Variants in STK32B observed in about 807,000 individuals in gnomAD.
STK32B encodes the protein serine/threonine-protein kinase 32B.
In STK32B, 43 loss-of-function variants were observed where a neutral mutation model predicts 52.6. That is an observed-to-expected ratio of 0.82 (90% confidence interval 0.64 to 1.05). STK32B has a LOEUF of 1.05. STK32B is among the 50% of genes least tolerant of loss of function. The pLI, the probability that STK32B is intolerant of heterozygous loss-of-function variation, is 0.00. For synonymous variants in STK32B, 238 were observed against 204.3 expected, an observed-to-expected ratio of 1.17 and a Z score of -1.41; for missense variants, 621 against 534.6, an observed-to-expected ratio of 1.16 and a Z score of -1.59.
chr4:5,296,524 C>G (rs942690021), intron 3 of STK32B, among the ~76,000 whole-genome samples: 6 of 152,160 alleles, frequency 3.9e-5, no homozygotes, highest in African/African-American at 1.4e-4. Context: ...TAATGCCTTT[C>G]TTTGTCTTTT....
chr4:5,372,218 C>A (rs184656012), intron 4 of STK32B, among the ~76,000 whole-genome samples: 1 of 152,304 alleles, frequency 6.6e-6, no homozygotes, highest in East Asian at 1.9e-4. Context: ...AGCAACAGAA[C>A]AGTAAATGTG....
At chr4:5,196,886 A>G (rs1721721937) in intron 3 of STK32B, among the ~76,000 whole-genome samples, 1 of 152,174 alleles carries the variant, frequency 6.6e-6, no homozygotes, top group African/African-American at 2.4e-5. Flanking sequence ...CAGCTGCAGC[A>G]TTGCTGTTGG....
At chr4:5,142,228 G>T (rs1327711434) in intron 2 of STK32B, among the ~76,000 whole-genome samples, 1 of 152,186 alleles carries the variant, frequency 6.6e-6, no homozygotes, top group Non-Finnish European at 1.5e-5. Flanking sequence ...GGGGTAGATG[G>T]TTGTATGGAC....
intron 2 of STK32B, among the ~76,000 whole-genome samples, chr4:5,155,187 G>A (rs1034950699): frequency 1.3e-5 from 2 of 152,158 alleles, no homozygotes; most frequent in Non-Finnish European, 1.5e-5. Flanking sequence ...CTGCTGAGAT[G>A]TCCACTCTGT....
intron 1 of STK32B, among the ~76,000 whole-genome samples, chr4:5,074,147 C>T (rs893403513): frequency 1.3e-5 from 2 of 151,258 alleles, no homozygotes; most frequent in Non-Finnish European, 2.9e-5. Flanking sequence ...TGATAGCATT[C>T]CACAGACTAC....
intron 3 of STK32B, among the ~76,000 whole-genome samples, chr4:5,271,183 G>C (rs1415992372): frequency 6.6e-6 from 1 of 152,146 alleles, no homozygotes; most frequent in Non-Finnish European, 1.5e-5. Context: ...TGATCCACCC[G>C]CCTTGACCTC....
intron 6 of STK32B, chr4:5,437,810 C>T: frequency 1.6e-6 from 1 of 640,436 alleles, no homozygotes; most frequent in Non-Finnish European, 1.9e-6. Flanking sequence ...CACACCTGTC[C>T]TTCCAGCTCT....
At chr4:5,079,515 G>T (rs1453702073) in intron 1 of STK32B, among the ~76,000 whole-genome samples, 2 of 152,100 alleles carry the variant, frequency 1.3e-5, no homozygotes, top group Admixed American at 6.6e-5. Flanking sequence ...TGAGATTCTT[G>T]TTGCTTAGAG....
At chr4:5,263,190 G>T (rs1577262647) in intron 3 of STK32B, among the ~76,000 whole-genome samples, 1 of 141,072 alleles carries the variant, frequency 7.1e-6, no homozygotes, top group African/African-American at 2.8e-5. Context: ...TGAAAAAAGA[G>T]GGACCTCTCA....
chr4:5,269,617 A>G (rs1422343820), intron 3 of STK32B, among the ~76,000 whole-genome samples: 1 of 152,230 alleles, frequency 6.6e-6, no homozygotes, highest in Non-Finnish European at 1.5e-5. Context: ...CATGTTCAAA[A>G]TAGATGAATT....
intron 1 of STK32B, among the ~76,000 whole-genome samples, chr4:5,130,991 C>G (rs989143801): frequency 6.6e-6 from 1 of 152,320 alleles, no homozygotes; most frequent in East Asian, 1.9e-4. Flanking sequence ...GTGGATTCTT[C>G]TCCCTGACCT....
At chr4:5,075,181 G>C (rs993036085) in intron 1 of STK32B, among the ~76,000 whole-genome samples, 1 of 152,110 alleles carries the variant, frequency 6.6e-6, no homozygotes, top group African/African-American at 2.4e-5. Flanking sequence ...GGAATAAAGG[G>C]TGTAAATGTA....
Position 5,358,701 on chromosome 4 carries a change from G to GCGCGCGCACACACACA in STK32B, c.434+27309_434+27310insGCGCGCACACACACAC, listed in dbSNP as rs151338728. ...CATGCCAGGACACATTCACACACAT[G>GCGCGCGCACACACACA]CACACACACACACACACACACAGGC... On this transcript the variant is annotated intron_variant, in intron 4 of 11. Coordinates refer to ENST00000282908, the MANE Select transcript of STK32B (RefSeq NM_018401.3). Among the ~76,000 whole-genome samples, 55 of 106,806 alleles carry GCGCGCGCACACACACA rather than the reference G, an allele frequency of 5.1e-4. 1 individual carries two copies. The highest frequency in any genetic ancestry group is 1.8e-3 in the Admixed American group (22 of 12,216). 70.1% of individuals were successfully genotyped at this position (106,806 alleles called of 152,430 possible).
At chr4:5,255,479 A>G (rs773775712) in intron 3 of STK32B, among the ~76,000 whole-genome samples, 56 of 152,108 alleles carry the variant, frequency 3.7e-4, no homozygotes, top group Non-Finnish European at 6.9e-4. Flanking sequence ...TCTTAACCAG[A>G]TAGCTCAACA....
At chr4:5,449,744 ACT>A (rs930997256) in intron 7 of STK32B, among the ~76,000 whole-genome samples, 3 of 151,900 alleles carry the variant, frequency 2.0e-5, no homozygotes, top group African/African-American at 7.3e-5. Context: ...GTAGCATTAG[ACT>A]CTCATGGGAG....
At chr4:5,266,274 A>G (rs887112466) in intron 3 of STK32B, among the ~76,000 whole-genome samples, 5 of 152,216 alleles carry the variant, frequency 3.3e-5, no homozygotes, top group Non-Finnish European at 7.3e-5. Flanking sequence ...CTGTCCCTAG[A>G]GAAATCAACT....
intron 3 of STK32B, among the ~76,000 whole-genome samples, chr4:5,277,841 G>T (rs553596156): frequency 1.5e-4 from 23 of 152,114 alleles, no homozygotes; most frequent in African/African-American, 1.9e-4. Flanking sequence ...TGGTCCTTTG[G>T]AATATGCCTT....
chr4:5,168,761 T>C (rs1577133632), intron 3 of STK32B, among the ~76,000 whole-genome samples: 1 of 151,946 alleles, frequency 6.6e-6, no homozygotes, highest in Admixed American at 6.6e-5. Context: ...CTAAAGGGAG[T>C]GGGGAGCTCA....
intron 4 of STK32B, among the ~76,000 whole-genome samples, chr4:5,377,063 C>T (rs955380790): frequency 1.3e-5 from 2 of 152,224 alleles, no homozygotes; most frequent in South Asian, 2.1e-4. Context: ...GCCACCAGAG[C>T]TTCCTGGCAG....
Sources: allele counts gnomAD v4.1 joint callset (sites outside exome capture counted in the v4.1 genomes callset), GRCh38; gene constraint gnomAD v4.1.1; transcripts MANE v1.5; gene names NCBI Gene and HGNC (gene_info 2026-07-23, HGNC 2026-07-21).